Variants in SLC44A4 observed in about 807,000 individuals in gnomAD.
The protein encoded by SLC44A4 is choline transporter-like protein 4.
In SLC44A4, 74 loss-of-function variants were observed where a neutral mutation model predicts 97.0. The observed-to-expected ratio is 0.76, with a 90% CI of 0.63 to 0.93. The LOEUF is 0.93. SLC44A4 is among the 40% of genes least tolerant of loss of function. The probability of loss-of-function intolerance (pLI) is 0.00; values close to 1 mark genes in which losing one functional copy is unlikely to be tolerated. For missense variants in SLC44A4, 799 were observed against 902.9 expected (o/e 0.88, Z 1.48); for synonymous variants, 325 against 363.8 (o/e 0.89, Z 1.21).
Position 31,874,777 on chromosome 6 carries a change from C to A in SLC44A4, c.412G>T (p.Glu138Ter). 6.2e-7 allele frequency: 1 copy of A among 1,614,056 alleles called. No individual in the cohort carries two copies. Among genetic ancestry groups the A allele is most frequent in the Non-Finnish European group, 8.5e-7 (1 of 1,179,976 alleles). ...GKNEFSQTVG[E>*]VFYTKNRNFC... ...TTCCTGTTTTTTGTATAGAAGACTTCCCCAACAGTCTGTGAGAACTCGTTT... is the reference window on the plus strand; with the variant it reads ...TTCCTGTTTTTTGTATAGAAGACTTACCCAACAGTCTGTGAGAACTCGTTT... Residue 138 changes from glutamate (E) to a stop codon, truncating the protein, a stop_gained, in exon 6 of 21, where the codon GAA becomes TAA. Transcript: ENST00000229729. LOFTEE classifies it high-confidence loss of function. This position sits in a 1 kb window ranked among gnomAD's most constrained non-coding sequence, Gnocchi z 4.8.
rs756938510 is a variant in SLC44A4 at position 31,863,589 on chromosome 6, TG to T, written c.*37del. 4 of 1,572,496 alleles carry T rather than the reference TG, an allele frequency of 2.5e-6. No individual in the cohort carries two copies. The highest frequency in any genetic ancestry group is 3.4e-6 in the Non-Finnish European group (4 of 1,161,252). On this transcript the variant is annotated 3_prime_UTR_variant, in exon 21 of 21. Transcript: ENST00000229729. ...GAAGTGAGGTTGGATGGCTGGACGG[TG>T]GGGGTGGGGTGCAGTCCTGGATCAG... is the stretch of plus-strand genomic sequence containing the variant.
chr6:31,864,459 A>C (rs1762723977), intron 20 of SLC44A4, 193 bp downstream of exon 20: 1 of 609,554 alleles, frequency 1.6e-6, no homozygotes, highest in Non-Finnish European at 2.9e-6. Context: ...TGGAGAGCCT[A>C]CCGGCCTGGG....
At chr6:31,868,493 G>A (rs1581839994) in intron 13 of SLC44A4, among the ~76,000 whole-genome samples, 1 of 152,270 alleles carries the variant, frequency 6.6e-6, no homozygotes, top group South Asian at 2.1e-4. Context: ...CAGAGGAATG[G>A]AGCTGCATGT....
At chr6:31,871,115 TC>T (rs1763151291) in intron 9 of SLC44A4, 68 bp from the exon 10 acceptor site, 1 of 1,424,032 alleles carries the variant, frequency 7.0e-7, no homozygotes, top group Non-Finnish European at 9.7e-7. Flanking sequence ...ACAGAGGCCC[TC>T]CCTGCCTTTC....
intron 20 of SLC44A4, 98 bp from the exon 21 acceptor site, chr6:31,863,846 C>T (rs1308841143): frequency 1.3e-6 from 2 of 1,519,616 alleles, no homozygotes; most frequent in Non-Finnish European, 1.8e-6. Flanking sequence ...CAAGCTGCAC[C>T]ACCACCCTTA....
At chr6:31,869,667 C>T in intron 11 of SLC44A4, 30 bp from the exon 12 acceptor site, 2 of 1,548,450 alleles carry the variant, frequency 1.3e-6, no homozygotes, top group Non-Finnish European at 1.8e-6. Context: ...TTAACCGGCA[C>T]CGCCCCAGCT....
chr6:31,866,272 C>T (rs1252610790), intron 13 of SLC44A4, 146 bp from the exon 14 acceptor site: 7 of 1,069,772 alleles, frequency 6.5e-6, no homozygotes, highest in Admixed American at 2.7e-5. Context: ...CAAGTTCTGT[C>T]GGAGAGTTCC....
intron 20 of SLC44A4, 101 bp downstream of exon 20, chr6:31,864,551 G>A: frequency 2.7e-6 from 3 of 1,109,294 alleles, no homozygotes; most frequent in Admixed American, 1.9e-5. Flanking sequence ...AGCTCACAAA[G>A]GCATTGTTTC....
rs758663666 is a variant in SLC44A4, at chr6:31,865,465, C to T, written c.1686+33G>A. ...ATGGGGGTGTCTAGACCAAAGGGCA[C>T]CAGAACAAAGGGTTGCTTGCAGTGT... is the stretch of plus-strand genomic sequence containing the variant. On this transcript the variant is annotated intron_variant, in intron 16 of 20. Transcript: ENST00000229729. This position sits in a 1 kb window ranked among gnomAD's most constrained non-coding sequence, Gnocchi z 5.2. 1.2e-6 allele frequency: 2 copies of T among 1,612,590 alleles called. No individual in the cohort carries two copies. Among genetic ancestry groups the T allele is most frequent in the South Asian group, 2.2e-5 (2 of 91,042 alleles).
rs756085961 is a variant in SLC44A4 at position 31,870,649 on chromosome 6, G to T, written c.991C>A (p.Arg331=). 3 of 1,609,938 alleles carry T rather than the reference G, an allele frequency of 1.9e-6. No individual in the cohort carries two copies. The highest frequency in any genetic ancestry group is 2.2e-5 in the South Asian group (2 of 90,554). Residue 331 remains arginine (R), a synonymous_variant, in exon 11 of 21, where the codon CGG becomes AGG. Coordinates refer to ENST00000229729, the MANE Select transcript of SLC44A4 (RefSeq NM_025257.3). ...AILLLMLIFL[R]QRIRIAIALL... ...GCGATGGCAATACGAATCCGCTGCC[G>T]CAGGAAGATGAGCATCAGCAGCAGG...
intron 4 of SLC44A4, 93 bp from the exon 5 acceptor site, chr6:31,875,121 GC>G: frequency 1.0e-6 from 1 of 996,324 alleles, no homozygotes; most frequent in Non-Finnish European, 1.5e-6. Flanking sequence ...AATACAGTGG[GC>G]CCAGCCCAGC....
chr6:31,868,796 AAAACAAACAAAC>A (rs3037223), intron 13 of SLC44A4, among the ~76,000 whole-genome samples: 36 of 148,868 alleles, frequency 2.4e-4, no homozygotes, highest in South Asian at 6.4e-4. Flanking sequence ...ACCCTGTCTC[AAAACAAACAAAC>A]AAACAAACAA....
Position 31,874,469 on chromosome 6 carries a change from A to C in SLC44A4, c.520T>G (p.Ser174Ala). The C allele has an allele frequency of 6.2e-7, 1 of 1,613,092 alleles. No individual in the cohort carries two copies. The highest frequency in any genetic ancestry group is 8.5e-7 in the Non-Finnish European group (1 of 1,180,026). The change falls in exon 7 of 21, where the codon TCT (serine) becomes GCT (alanine). Residue 174 changes from serine (S) to alanine (A), a missense_variant. By Grantham distance (99) the Ser-to-Ala change is moderately conservative (BLOSUM62 1). Around this residue, in one of 3 missense-constraint regions of SLC44A4, gnomAD observed 409 missense variants for 434.1 expected, o/e 0.94. Coordinates refer to ENST00000229729, the MANE Select transcript of SLC44A4 (RefSeq NM_025257.3). This position sits in a 1 kb window ranked among gnomAD's most constrained non-coding sequence, Gnocchi z 4.8. ...QELCPSFLLP[S>A]APALGRCFPW... ...AATCTGTGCTTCTCACCTGGAGCAG[A>C]GGGGAGGAGGAAACTGGGGCAGAGT...
In SLC44A4 at chr6:31,874,784, A is replaced by G. The variant is rs1763353049; in HGVS notation, c.405T>C (p.Thr135=). The G allele has an allele frequency of 1.2e-6, 2 of 1,614,064 alleles. No homozygotes were observed. Among genetic ancestry groups the G allele is most frequent in the Non-Finnish European group, 1.7e-6 (2 of 1,179,990 alleles). The change falls in exon 6 of 21, where the codon ACT becomes ACC. Residue 135 remains threonine, a synonymous_variant. Coordinates refer to ENST00000229729, the MANE Select transcript of SLC44A4 (RefSeq NM_025257.3). This position sits in a 1 kb window ranked among gnomAD's most constrained non-coding sequence, Gnocchi z 4.8. The stretch of plus-strand genomic sequence containing the variant: ...TTTTTGTATAGAAGACTTCCCCAAC[A>G]GTCTGTGAGAACTCGTTTTTTCCCA... The part of the protein sequence containing the change: ...WTVGKNEFSQ[T]VGEVFYTKNR...
In SLC44A4 at chr6:31,874,994, T is replaced by G. The variant is rs1249557956; in HGVS notation, c.277A>C (p.Ser93Arg). Residue 93 changes from serine to arginine, a missense_variant, in exon 5 of 21, where the codon AGC becomes CGC. Ser to Arg is a moderately radical substitution (Grantham distance 110, BLOSUM62 -1). Transcript: ENST00000229729. This position sits in a 1 kb window ranked among gnomAD's most constrained non-coding sequence, Gnocchi z 4.8. ...ATGATGTTGCTGGACAGGATGCAGC[T>G]GAAGATGTTGAAGTACAGGAGATAC... ...KPYLLYFNIF[S>R]CILSSNIISV... 6.2e-7 allele frequency: 1 copy of G among 1,612,692 alleles called. No individual in the cohort carries two copies. Among genetic ancestry groups the G allele is most frequent in the Non-Finnish European group, 8.5e-7 (1 of 1,179,940 alleles).
intron 13 of SLC44A4, 27 bp from the exon 14 acceptor site, chr6:31,866,153 G>C (rs369621850): frequency 1.2e-6 from 2 of 1,610,480 alleles, no homozygotes; most frequent in African/African-American, 2.7e-5. Context: ...GGATAGAGTA[G>C]GCTCAGGCAT....
rs527739856 is a variant in SLC44A4 at position 31,870,997 on chromosome 6, C to T, written c.752G>A (p.Arg251His). The change falls in exon 10 of 21, where the codon CGC becomes CAC. Residue 251 changes from arginine (R) to histidine (H), a missense_variant. Around this residue, in one of 3 missense-constraint regions of SLC44A4, gnomAD observed 409 missense variants for 434.1 expected, o/e 0.94. Transcript: ENST00000229729. ...CAGCACCAGGGGCCCAGCCACCAGG[C>T]GCAGAAGCAAGATAAACAGTAGGCT... ...VLSLLFILLL[R>H]LVAGPLVLVL... The T allele has an allele frequency of 3.1e-5, 50 of 1,612,550 alleles. No homozygotes were observed. The highest frequency in any genetic ancestry group is 5.5e-5 in the South Asian group (5 of 91,036).
At position 31,864,638 on chromosome 6, in the gene SLC44A4, G is replaced by A; in HGVS notation, c.2011+14C>T. The A allele has an allele frequency of 6.2e-7, 1 of 1,612,958 alleles. No homozygotes were observed. Among genetic ancestry groups the A allele is most frequent in the East Asian group, 2.2e-5 (1 of 44,878 alleles). ...CTTTAAGGTTGGGGACAGGTGGCTG[G>A]GGGTGTCACTCACGGAAGCAGAGGA... On this transcript the variant is annotated intron_variant, in intron 20 of 20. Transcript: ENST00000229729.
chr6:31,867,517 C>A (rs1437738027), intron 13 of SLC44A4, among the ~76,000 whole-genome samples: 1 of 151,882 alleles, frequency 6.6e-6, no homozygotes, highest in Non-Finnish European at 1.5e-5. Context: ...ATTGCTTGAG[C>A]CCATTTGTTT....
Sources: allele counts gnomAD v4.1 joint callset (sites outside exome capture counted in the v4.1 genomes callset), GRCh38; gene constraint gnomAD v4.1.1; regional missense constraint gnomAD v4.1.1; non-coding constraint Gnocchi (gnomAD v3.1); transcripts MANE v1.5; gene names NCBI Gene and HGNC (gene_info 2026-07-23, HGNC 2026-07-21).